Variants in FHDC1 observed in about 807,000 individuals in gnomAD.
FHDC1 encodes FH2 domain containing 1.
Under a neutral mutation model 52.6 loss-of-function variants are expected in FHDC1, and 25 were observed. That is an observed-to-expected ratio of 0.48 (90% CI 0.35 to 0.66). The LOEUF (loss-of-function observed/expected upper bound fraction) is 0.66, where lower values mean the gene tolerates loss of function less well. Ranked by LOEUF, FHDC1 falls within the 30% of genes least tolerant of loss-of-function variation. The probability of loss-of-function intolerance (pLI) is 0.01; values close to 1 mark genes in which losing one functional copy is unlikely to be tolerated. For missense variants in FHDC1, 1,459 were observed against 1,452.8 expected, an observed-to-expected ratio of 1.00 and a Z score of -0.07; for synonymous variants, 616 against 581.5, an observed-to-expected ratio of 1.06 and a Z score of -0.85.
At chr4:152,920,057 C>G in the FHDC1 span, among the ~76,000 whole-genome samples, 1 of 145,868 alleles carries the variant, frequency 6.9e-6, no homozygotes, top group African/African-American at 2.5e-5. Flanking sequence ...AAGCAGTCCT[C>G]CTATCTCAGC....
chr4:152,943,243 A>ACCC lies in FHDC1; in HGVS notation c.188_189insCCC (p.Pro65dup). 1 of 678,626 alleles carries ACCC rather than the reference A, an allele frequency of 1.5e-6. No individual in the cohort carries two copies. Among genetic ancestry groups the ACCC allele is most frequent in the Non-Finnish European group, 2.0e-6 (1 of 497,392 alleles). The allele number at this position is 678,626 out of a possible 1,614,324, so 42.0% of individuals were successfully genotyped here. On this transcript the variant is annotated inframe_insertion, in exon 2 of 12. Coordinates refer to ENST00000511601, the MANE Select transcript of FHDC1 (RefSeq NM_001371116.1). ...GTCCTTCCTCCCCTCCTCCACCCCC[A>ACCC]CCACCTCCACTTCCTGGGGAGCCTC...
intron 2 of FHDC1, among the ~76,000 whole-genome samples, chr4:152,951,557 G>A (rs182516400): frequency 1.2e-4 from 19 of 152,234 alleles, no homozygotes; most frequent in Admixed American, 8.5e-4. Flanking sequence ...CCATACTCTT[G>A]TAAAAATTTA....
chr4:152,945,530 C>T (rs983814197), intron 2 of FHDC1, among the ~76,000 whole-genome samples: 1 of 152,150 alleles, frequency 6.6e-6, no homozygotes, highest in Admixed American at 6.5e-5. Flanking sequence ...ACTCTTGGCT[C>T]ACTGCAACCT....
At chr4:152,968,530 T>C (rs554902844) in intron 10 of FHDC1, among the ~76,000 whole-genome samples, 3 of 152,314 alleles carry the variant, frequency 2.0e-5, no homozygotes, top group Non-Finnish European at 2.9e-5. Flanking sequence ...GGTTTTGCCA[T>C]GTTGGCCAGG....
At chr4:152,946,184 C>T (rs1225209358) in intron 2 of FHDC1, among the ~76,000 whole-genome samples, 1 of 152,170 alleles carries the variant, frequency 6.6e-6, no homozygotes, top group East Asian at 1.9e-4. Flanking sequence ...CCGCTGTGTA[C>T]ATGGGTGTAC....
intron 9 of FHDC1, among the ~76,000 whole-genome samples, chr4:152,967,534 T>C (rs1453585157): frequency 6.6e-6 from 1 of 152,260 alleles, no homozygotes; most frequent in East Asian, 1.9e-4. Flanking sequence ...GAATCTGCTA[T>C]TTTCTCACTG....
At chr4:152,963,210 G>A (rs963374040) in intron 8 of FHDC1, 80 bp downstream of exon 8, 2 of 1,263,422 alleles carry the variant, frequency 1.6e-6, no homozygotes, top group Non-Finnish European at 2.3e-6. Context: ...GGCATAAGAT[G>A]GTGTCCAGCA....
chr4:152,933,848 G>A (rs954607942), upstream of FHDC1, among the ~76,000 whole-genome samples: 31 of 152,082 alleles, frequency 2.0e-4, no homozygotes, highest in East Asian at 1.2e-3. Flanking sequence ...GGATGCTGCC[G>A]GATTGTCAGA....
At chr4:152,944,220 G>T (rs754282114) in intron 2 of FHDC1, among the ~76,000 whole-genome samples, 23 of 152,140 alleles carry the variant, frequency 1.5e-4, no homozygotes, top group Middle Eastern at 3.2e-3. Context: ...ATTACAGGAA[G>T]TTAACTGAAA....
chr4:152,940,896 A>G (rs1444383342), intron 1 of FHDC1, among the ~76,000 whole-genome samples: 1 of 152,246 alleles, frequency 6.6e-6, no homozygotes, highest in African/African-American at 2.4e-5. Flanking sequence ...AAGGGTGCCA[A>G]CTATGAAAAC....
At position 152,976,194 on chromosome 4, in the gene FHDC1, G is replaced by A. The variant is rs894016851; in HGVS notation, c.2903G>A (p.Arg968His). Reference protein sequence around the residue: ...PRGSSGSSSTRPGRDVPLQPR... With the variant: ...PRGSSGSSSTHPGRDVPLQPR... ...GGGAGCAGCGGCTCCAGCAGCACCC[G>A]TCCGGGGAGGGACGTTCCCCTGCAG... The change falls in exon 12 of 12, where the codon CGT becomes CAT. Residue 968 changes from arginine (R) to histidine (H), a missense_variant. By Grantham distance (29) the Arg-to-His change is conservative (BLOSUM62 0). Transcript: ENST00000511601. 6.2e-7 allele frequency: 1 copy of A among 1,612,684 alleles called. No individual in the cohort carries two copies. The highest frequency in any genetic ancestry group is 1.1e-5 in the South Asian group (1 of 91,076).
In FHDC1 at chr4:152,977,414, G is replaced by A. The variant is rs1050410113; in HGVS notation, c.*691G>A. 50 of 152,184 alleles carry A rather than the reference G, an allele frequency of 3.3e-4. No individual in the cohort carries two copies. The highest frequency in any genetic ancestry group is 1.1e-3 in the African/African-American group (45 of 41,526). The allele number at this position is 152,184 out of a possible 1,614,324, so 9.4% of individuals were successfully genotyped here. The stretch of plus-strand genomic sequence containing the variant: ...AAATGTTCTAGTTTTGGTTCCTTTT[G>A]CAGAGTGAAATGCCTCCCAGGAAAA... On this transcript the variant is annotated 3_prime_UTR_variant, in exon 12 of 12. Transcript: ENST00000511601.
At chr4:152,923,176 C>A in the FHDC1 span, among the ~76,000 whole-genome samples, 12 of 152,146 alleles carry the variant, frequency 7.9e-5, no homozygotes, top group Non-Finnish European at 1.5e-4. Context: ...AATACAAAAT[C>A]AATGTACAAA....
intron 10 of FHDC1, 112 bp downstream of exon 10, chr4:152,968,209 T>C: frequency 1.4e-6 from 1 of 738,028 alleles, no homozygotes; most frequent in South Asian, 1.9e-5. Flanking sequence ...ATTCATATTT[T>C]TTTTCTCCAA....
chr4:152,972,335 G>A, intron 10 of FHDC1, 42 bp from the exon 11 acceptor site: 1 of 1,550,994 alleles, frequency 6.4e-7, no homozygotes, highest in Middle Eastern at 1.7e-4. Context: ...CGCCTCAGCT[G>A]ACAACGTTTA....
chr4:152,935,488 CT>C (rs1404244475), upstream of FHDC1, among the ~76,000 whole-genome samples: 1 of 152,144 alleles, frequency 6.6e-6, no homozygotes, highest in Non-Finnish European at 1.5e-5. Context: ...ATCGATTCCC[CT>C]GTTTCTTTCT....
the FHDC1 span, among the ~76,000 whole-genome samples, chr4:152,924,802 T>C: frequency 7.1e-6 from 1 of 140,092 alleles, no homozygotes; most frequent in Non-Finnish European, 1.5e-5. Context: ...TAGGTGGGAA[T>C]TGAACAGTGA....
the FHDC1 span, among the ~76,000 whole-genome samples, chr4:152,926,732 G>A: frequency 6.7e-6 from 1 of 149,734 alleles, no homozygotes; most frequent in African/African-American, 2.5e-5. Flanking sequence ...CAATTCAGAG[G>A]CCTTGTTCCC....
At position 152,976,845 on chromosome 4, in the gene FHDC1, A is replaced by G. The variant is rs1056729328; in HGVS notation, c.*122A>G. On this transcript the variant is annotated 3_prime_UTR_variant, in exon 12 of 12. Transcript: ENST00000511601. Reference sequence around the variant, plus strand: ...TAAAGCAGCCACTGGTGCCACTGCTAGTGACGCTGTTGGGATGGCACAGTC... The same window carrying G: ...TAAAGCAGCCACTGGTGCCACTGCTGGTGACGCTGTTGGGATGGCACAGTC... 8.5e-6 allele frequency: 11 copies of G among 1,299,536 alleles called. No individual in the cohort carries two copies. In the Admixed American group the frequency reaches 8.7e-5, roughly 10 times the overall value. 80.5% of individuals were successfully genotyped at this position (1,299,536 alleles called of 1,614,324 possible). A position where few individuals can be genotyped will look rare whatever the true frequency, so the allele number is the denominator to read the frequency against.
Sources: allele counts gnomAD v4.1 joint callset (sites outside exome capture counted in the v4.1 genomes callset), GRCh38; gene constraint gnomAD v4.1.1; transcripts MANE v1.5; gene names NCBI Gene and HGNC (gene_info 2026-07-23, HGNC 2026-07-21).